The following KDM4B variants were observed in gnomAD, a reference collection of about 807,000 sequenced individuals.
The protein encoded by KDM4B is lysine-specific demethylase 4B.
Under a neutral mutation model 125.2 loss-of-function variants are expected in KDM4B, and 32 were observed. That is an observed-to-expected ratio of 0.26 (90% CI 0.19 to 0.34). KDM4B has a LOEUF of 0.34. KDM4B is among the 10% of genes least tolerant of loss of function. The pLI, the probability that KDM4B is intolerant of heterozygous loss-of-function variation, is 1.00. For missense variants in KDM4B, 1,190 were observed against 1,577.7 expected, an observed-to-expected ratio of 0.75 and a Z score of 4.16; for synonymous variants, 721 against 677.9, an observed-to-expected ratio of 1.06 and a Z score of -0.99.
intron 2 of KDM4B, among the ~76,000 whole-genome samples, chr19:5,028,028 G>A (rs897445397): frequency 1.3e-5 from 2 of 152,226 alleles, no homozygotes; most frequent in Non-Finnish European, 2.9e-5. Flanking sequence ...AGAGGCTGGA[G>A]TGCAGGGGTG....
chr19:5,119,114 C>T, intron 10 of KDM4B: 3 of 1,515,598 alleles, frequency 2.0e-6, no homozygotes, highest in Non-Finnish European at 2.7e-6. Flanking sequence ...AATTTACATT[C>T]TAGACAAATT....
At chr19:5,084,842 C>G (rs1265364214) in intron 9 of KDM4B, among the ~76,000 whole-genome samples, 1 of 151,574 alleles carries the variant, frequency 6.6e-6, no homozygotes, top group Non-Finnish European at 1.5e-5. Context: ...TCACCTGTTT[C>G]ATTTTACCCA....
intron 2 of KDM4B, among the ~76,000 whole-genome samples, chr19:5,024,470 G>A (rs926882799): frequency 5.9e-5 from 9 of 152,102 alleles, no homozygotes; most frequent in African/African-American, 2.2e-4. Flanking sequence ...CTGCTCAGCC[G>A]GGCCGGAAGC....
At chr19:4,991,872 T>G (rs905722765) in intron 1 of KDM4B, among the ~76,000 whole-genome samples, 2 of 152,220 alleles carry the variant, frequency 1.3e-5, no homozygotes, top group African/African-American at 4.8e-5. Flanking sequence ...CTCTTGGGAT[T>G]GGGTTTTTTC....
rs986690655 is a variant in KDM4B, at chr19:5,152,445, A to T, written c.*934A>T. On this transcript the variant is annotated 3_prime_UTR_variant, in exon 23 of 23. Coordinates refer to ENST00000159111, the MANE Select transcript of KDM4B (RefSeq NM_015015.3). ...ACCCCTGCACCTCCTATGGCTCAGG[A>T]TGAGGGAGGCCCCCAGGCCCTTCTG... 5 of 152,288 alleles carry T rather than the reference A, an allele frequency of 3.3e-5. No homozygotes were observed. Among genetic ancestry groups the T allele is most frequent in the Non-Finnish European group, 7.3e-5 (5 of 68,088 alleles). The allele number at this position is 152,288 out of a possible 1,614,324, so 9.4% of individuals were successfully genotyped here.
At chr19:5,119,339 C>G in intron 10 of KDM4B, 2 of 723,280 alleles carry the variant, frequency 2.8e-6, no homozygotes, top group South Asian at 3.5e-5. Context: ...CCGCCCCGTC[C>G]CGCCCGTCAT....
At position 5,051,484 on chromosome 19, in the gene KDM4B, G is replaced by T. The variant is rs372179457; in HGVS notation, c.626+3815G>T. 2.6e-5 allele frequency among the ~76,000 whole-genome samples: 4 copies of T among 152,376 alleles called. No homozygotes were observed. The East Asian group carries it at 7.7e-4, about 29-fold the overall frequency. Reference sequence around the variant, plus strand: ...AAGCTTTGGCTCTCACTGCAGCAGGGAAGCCAGATGGGGGATCAGCATGTT... The same window carrying T: ...AAGCTTTGGCTCTCACTGCAGCAGGTAAGCCAGATGGGGGATCAGCATGTT... On this transcript the variant is annotated intron_variant, in intron 6 of 22. Coordinates refer to ENST00000159111, the MANE Select transcript of KDM4B (RefSeq NM_015015.3).
At chr19:4,970,506 G>C (rs2034218403) in intron 1 of KDM4B, among the ~76,000 whole-genome samples, 1 of 152,118 alleles carries the variant, frequency 6.6e-6, no homozygotes, top group African/African-American at 2.4e-5. Context: ...TCAAGGGATC[G>C]GTGCCCTGCC....
chr19:5,005,142 C>G (rs1168949602), intron 1 of KDM4B, among the ~76,000 whole-genome samples: 1 of 152,250 alleles, frequency 6.6e-6, no homozygotes, highest in Non-Finnish European at 1.5e-5. Context: ...GCAGCCCACT[C>G]TGTGGCTGTG....
chr19:5,062,254 C>A (rs2037625534), intron 6 of KDM4B, among the ~76,000 whole-genome samples: 1 of 152,256 alleles, frequency 6.6e-6, no homozygotes, highest in Non-Finnish European at 1.5e-5. Flanking sequence ...GCCTGTGGAT[C>A]CACTCCCTTG....
rs76966152 is a variant in KDM4B, at chr19:5,144,265, C to T, written c.2754C>T (p.Ala918=). The T allele has an allele frequency of 8.6e-4, 1,373 of 1,598,378 alleles. 1 individual carries two copies. Among genetic ancestry groups the T allele is most frequent in the South Asian group, 3.4e-3 (301 of 88,762 alleles). ...SGGHAVQLLR[A]VSLGQVVITK... ...CCTCCCAGGTCCAACTCCTGAGGGCCGTGTCCCTAGGCCAGGTGGTCATCA... is the reference window on the plus strand; with the variant it reads ...CCTCCCAGGTCCAACTCCTGAGGGCTGTGTCCCTAGGCCAGGTGGTCATCA... The change falls in exon 20 of 23, where the codon GCC becomes GCT. Residue 918 remains alanine, a synonymous_variant. Coordinates refer to ENST00000159111, the MANE Select transcript of KDM4B (RefSeq NM_015015.3).
chr19:5,142,323 C>T lies in KDM4B; in HGVS notation c.2551-1644C>T, dbSNP rs985622713. 3.9e-5 allele frequency among the ~76,000 whole-genome samples: 6 copies of T among 152,156 alleles called. No homozygotes were observed. The highest frequency in any genetic ancestry group is 5.9e-5 in the Non-Finnish European group (4 of 68,016). On this transcript the variant is annotated intron_variant, in intron 18 of 22. Coordinates refer to ENST00000159111, the MANE Select transcript of KDM4B (RefSeq NM_015015.3). This position sits in a 1 kb window ranked among gnomAD's most constrained non-coding sequence, Gnocchi z 5.4. ...CTGCGGCTCCCAGGAAGGGAGGTGACGGCCAAGAACGCCTGCCCGACCTCC... is the reference window on the plus strand; with the variant it reads ...CTGCGGCTCCCAGGAAGGGAGGTGATGGCCAAGAACGCCTGCCCGACCTCC...
chr19:5,019,845 CGTT>C (rs1266903187), intron 2 of KDM4B, among the ~76,000 whole-genome samples: 4 of 61,570 alleles, frequency 6.5e-5, no homozygotes, highest in Non-Finnish European at 1.3e-4. Flanking sequence ...TTGGTGTGGA[CGTT>C]GGTGTGCAGG....
At chr19:5,011,004 T>G (rs562113501) in intron 1 of KDM4B, among the ~76,000 whole-genome samples, 1 of 152,200 alleles carries the variant, frequency 6.6e-6, no homozygotes, top group Non-Finnish European at 1.5e-5. Context: ...TGTTTTATCC[T>G]GTGGGTTGTA....
intron 21 of KDM4B, 99 bp from the exon 22 acceptor site, chr19:5,150,259 C>G: frequency 1.0e-6 from 1 of 970,130 alleles, no homozygotes; most frequent in Non-Finnish European, 1.6e-6. Context: ...GCCCCATGCA[C>G]CCAAGGGGGC....
At chr19:5,072,310 G>A (rs1261795079) in intron 7 of KDM4B, among the ~76,000 whole-genome samples, 3 of 152,202 alleles carry the variant, frequency 2.0e-5, no homozygotes, top group African/African-American at 7.2e-5. Context: ...TTGCCCAAGC[G>A]CGGCAGATTC....
chr19:5,019,758 T>C (rs2036034405), intron 2 of KDM4B, among the ~76,000 whole-genome samples: 1 of 142,970 alleles, frequency 7.0e-6, no homozygotes, highest in Admixed American at 6.9e-5. Context: ...GGTGTGCAGG[T>C]ATTGGTGTGG....
chr19:5,121,439 G>T (rs747881339), intron 11 of KDM4B, among the ~76,000 whole-genome samples: 2 of 152,194 alleles, frequency 1.3e-5, no homozygotes, highest in African/African-American at 2.4e-5. Flanking sequence ...ATTCTCTACT[G>T]AGAAGCAGCA....
At chr19:5,101,168 A>C (rs2145950975) in intron 9 of KDM4B, among the ~76,000 whole-genome samples, 1 of 145,982 alleles carries the variant, frequency 6.9e-6, no homozygotes, top group Admixed American at 7.2e-5. Flanking sequence ...GTTGCAGTGA[A>C]CCGAGGTTGT....
Sources: allele counts gnomAD v4.1 joint callset (sites outside exome capture counted in the v4.1 genomes callset), GRCh38; gene constraint gnomAD v4.1.1; non-coding constraint Gnocchi (gnomAD v3.1); transcripts MANE v1.5; gene names NCBI Gene and HGNC (gene_info 2026-07-23, HGNC 2026-07-21).